The following PCDH9 variants were observed in gnomAD, a reference collection of about 807,000 sequenced individuals.
The protein encoded by PCDH9 is protocadherin 9, also known as protocadherin-9.
In PCDH9, 24 loss-of-function variants were observed where a neutral mutation model predicts 70.6. The ratio of observed to expected loss-of-function variants is 0.34; its 90% CI spans 0.25 to 0.48. The LOEUF (loss-of-function observed/expected upper bound fraction) is 0.48. Ranked by LOEUF, PCDH9 falls within the 20% of genes least tolerant of loss-of-function variation. The pLI is 0.99. For synonymous variants in PCDH9, 562 were observed against 558.5 expected (o/e 1.01, Z -0.09); for missense variants, 1,281 against 1,503.6 (o/e 0.85, Z 2.45).
chr13:66,747,684 A>G (rs1030851725), intron 3 of PCDH9, among the ~76,000 whole-genome samples: 51 of 152,194 alleles, frequency 3.4e-4, no homozygotes, highest in African/African-American at 1.2e-3. Flanking sequence ...AAAAAACATA[A>G]TCAAAAAATA....
At chr13:66,993,186 T>C (rs973695247) in intron 2 of PCDH9, among the ~76,000 whole-genome samples, 1 of 152,156 alleles carries the variant, frequency 6.6e-6, no homozygotes, top group East Asian at 1.9e-4. Flanking sequence ...TTTTATGTCA[T>C]GGAATACATA....
chr13:66,844,808 A>T (rs1000814827), intron 3 of PCDH9, among the ~76,000 whole-genome samples: 2 of 152,188 alleles, frequency 1.3e-5, no homozygotes, highest in African/African-American at 4.8e-5. Context: ...AGCACTTCTC[A>T]TATTCTTATA....
Position 66,829,311 on chromosome 13 carries a change from C to T in PCDH9, c.3138+74193G>A, listed in dbSNP as rs564696802. On this transcript the variant is annotated intron_variant, in intron 3 of 4. Transcript: ENST00000377865. The stretch of plus-strand genomic sequence containing the variant: ...AGATTACAGGCGTGAGCCATCGCTC[C>T]CGGCCGGGAATCTTTTTAAAAAGCA... Among the ~76,000 whole-genome samples, 24 of 152,142 alleles carry T rather than the reference C, an allele frequency of 1.6e-4. No homozygotes were observed. The South Asian group carries it at 5.0e-3, about 32-fold the overall frequency.
At chr13:67,223,341 T>A (rs968701682) in intron 2 of PCDH9, 8 of 152,112 alleles carry the variant, frequency 5.3e-5, no homozygotes, top group African/African-American at 1.7e-4. Flanking sequence ...AAAAAGTGGA[T>A]CTATACATCA....
chr13:66,601,108 A>G (rs2077160666), intron 4 of PCDH9, among the ~76,000 whole-genome samples: 1 of 145,144 alleles, frequency 6.9e-6, no homozygotes, highest in Non-Finnish European at 1.5e-5. Flanking sequence ...GATTCAGGTT[A>G]CTATTTTATT....
intron 3 of PCDH9, among the ~76,000 whole-genome samples, chr13:66,901,169 A>G (rs1242717331): frequency 6.6e-6 from 1 of 151,782 alleles, no homozygotes; most frequent in Non-Finnish European, 1.5e-5. Flanking sequence ...TTTATTTTAT[A>G]AGAAATTTCA....
At chr13:67,018,434 CAT>C (rs1304765041) in intron 2 of PCDH9, among the ~76,000 whole-genome samples, 1 of 151,986 alleles carries the variant, frequency 6.6e-6, no homozygotes, top group Non-Finnish European at 1.5e-5. Context: ...TCCTGGTCAA[CAT>C]AGTGAAACCC....
At chr13:66,692,199 C>T (rs1293030808) in intron 3 of PCDH9, among the ~76,000 whole-genome samples, 1 of 151,990 alleles carries the variant, frequency 6.6e-6, no homozygotes, top group Non-Finnish European at 1.5e-5. Context: ...CATCCATTAA[C>T]CTGGAAGAAA....
chr13:67,050,481 C>T (rs900974369), intron 2 of PCDH9, among the ~76,000 whole-genome samples: 3 of 152,100 alleles, frequency 2.0e-5, no homozygotes, highest in African/African-American at 7.2e-5. Flanking sequence ...TAATTATGTT[C>T]TTGGCATGCT....
At chr13:66,305,455 T>C (rs572589005) in intron 4 of PCDH9, among the ~76,000 whole-genome samples, 1 of 152,126 alleles carries the variant, frequency 6.6e-6, no homozygotes, top group East Asian at 1.9e-4. Context: ...TATTAAAGAA[T>C]ATATAAATAA....
chr13:66,309,104 T>C (rs1419191065), intron 4 of PCDH9, among the ~76,000 whole-genome samples: 4 of 152,084 alleles, frequency 2.6e-5, no homozygotes, highest in South Asian at 2.1e-4. Context: ...TAAGTTTTTA[T>C]TTTGGGACAT....
chr13:67,122,772 CAATAAT>C (rs56039213), intron 2 of PCDH9, among the ~76,000 whole-genome samples: 101,142 of 143,000 alleles, frequency 0.71, 35,982 homozygotes, highest in East Asian at 0.93. Flanking sequence ...GACTCTGTCT[CAATAAT>C]AATAATAATA....
At chr13:66,511,814 A>G (rs1022316073) in intron 4 of PCDH9, among the ~76,000 whole-genome samples, 4 of 152,086 alleles carry the variant, frequency 2.6e-5, no homozygotes, top group Non-Finnish European at 5.9e-5. Context: ...GCCTTCTGCC[A>G]TGATTGGAAG....
At chr13:66,847,619 T>G (rs908505478) in intron 3 of PCDH9, among the ~76,000 whole-genome samples, 9 of 152,224 alleles carry the variant, frequency 5.9e-5, no homozygotes, top group African/African-American at 1.4e-4. Context: ...ACCTATTAAC[T>G]TAAAAGGAAG....
intron 2 of PCDH9, among the ~76,000 whole-genome samples, chr13:66,957,966 A>T (rs999326976): frequency 1.3e-5 from 2 of 152,220 alleles, no homozygotes. Flanking sequence ...GAATTAATAT[A>T]ATAAGATTTT....
chr13:66,784,195 G>T (rs2080043588), intron 3 of PCDH9, among the ~76,000 whole-genome samples: 1 of 152,062 alleles, frequency 6.6e-6, no homozygotes. Context: ...GCCACCAGAT[G>T]TAAAAGACTA....
intron 3 of PCDH9, among the ~76,000 whole-genome samples, chr13:66,773,725 A>G (rs2079846355): frequency 6.6e-6 from 1 of 151,908 alleles, no homozygotes; most frequent in African/African-American, 2.4e-5. Flanking sequence ...TGGCTACTGT[A>G]TTAGAAAGCA....
At chr13:66,497,540 C>A (rs893869282) in intron 4 of PCDH9, among the ~76,000 whole-genome samples, 2 of 152,138 alleles carry the variant, frequency 1.3e-5, no homozygotes, top group Non-Finnish European at 2.9e-5. Flanking sequence ...AAAAAATCAA[C>A]CATCTCTCTA....
At chr13:66,888,233 G>A (rs2082039916) in intron 3 of PCDH9, among the ~76,000 whole-genome samples, 1 of 152,136 alleles carries the variant, frequency 6.6e-6, no homozygotes, top group Non-Finnish European at 1.5e-5. Flanking sequence ...AGTGGCTCGT[G>A]CCTATGATAG....
Sources: gnomAD v4.1 joint callset for allele counts (sites outside exome capture counted in the v4.1 genomes callset) on GRCh38, gnomAD v4.1.1 for gene constraint, MANE v1.5 for transcripts, NCBI Gene and HGNC (gene_info 2026-07-23, HGNC 2026-07-21) for gene names.